The following NR6A1 variants were observed in gnomAD, a reference collection of about 807,000 sequenced individuals.
NR6A1 encodes nuclear receptor subfamily 6 group A member 1, also known as retinoic acid receptor-related testis-associated receptor.
Under a neutral mutation model 59.1 loss-of-function variants are expected in NR6A1, and 7 were observed. The observed-to-expected ratio is 0.12, with a 90% CI of 0.07 to 0.22. The LOEUF (loss-of-function observed/expected upper bound fraction) is 0.22. Among genes scored for constraint, NR6A1 ranks in the 10% least tolerant of loss-of-function variants. The probability of loss-of-function intolerance (pLI) is 1.00; values close to 1 mark genes in which losing one functional copy is unlikely to be tolerated. For synonymous variants in NR6A1, 243 were observed against 236.1 expected, an observed-to-expected ratio of 1.03 and a Z score of -0.27; for missense variants, 468 against 611.6, an observed-to-expected ratio of 0.77 and a Z score of 2.48.
At chr9:124,695,682 TA>T (rs1010505888) in intron 2 of NR6A1, among the ~76,000 whole-genome samples, 2 of 152,112 alleles carry the variant, frequency 1.3e-5, no homozygotes, top group African/African-American at 2.4e-5. Flanking sequence ...AGGGGGTCTT[TA>T]TAGAAGAGTT....
chr9:124,663,173 C>CTT (rs1388574156), intron 2 of NR6A1, among the ~76,000 whole-genome samples: 1 of 152,144 alleles, frequency 6.6e-6, no homozygotes, highest in Non-Finnish European at 1.5e-5. Context: ...TTACTGTGAA[C>CTT]TTGGTTTATG....
At chr9:124,545,472 C>T (rs1833569774) in intron 3 of NR6A1, among the ~76,000 whole-genome samples, 1 of 152,210 alleles carries the variant, frequency 6.6e-6, no homozygotes, top group Non-Finnish European at 1.5e-5. Context: ...AAGAAACATA[C>T]ATAGCCTATG....
At position 124,526,280 on chromosome 9, in the gene NR6A1, A is replaced by ATGTGTG. The variant is rs1308675712; in HGVS notation, c.1201+493_1201+498dup. ...TTAAAAGCCATGCTTGATTGTGTGT[A>ATGTGTG]TGTGTGTATGTGTGTGTGTGTGTGT... On this transcript the variant is annotated intron_variant, in intron 8 of 9. Transcript: ENST00000487099. 2.8e-5 allele frequency among the ~76,000 whole-genome samples: 4 copies of ATGTGTG among 144,826 alleles called. No individual in the cohort carries two copies. The South Asian group carries it at 8.7e-4, about 31-fold the overall frequency.
At chr9:124,693,038 T>C (rs1838612283) in intron 2 of NR6A1, among the ~76,000 whole-genome samples, 1 of 152,170 alleles carries the variant, frequency 6.6e-6, no homozygotes. Context: ...ATTTTTGATA[T>C]CCCAGTTAGA....
chr9:124,529,849 TG>T (rs903937302), intron 7 of NR6A1, among the ~76,000 whole-genome samples: 16 of 151,994 alleles, frequency 1.1e-4, no homozygotes, highest in African/African-American at 3.9e-4. Context: ...TGGATATTTA[TG>T]TTCTTGGGAG....
chr9:124,608,130 A>G (rs948061011), intron 2 of NR6A1, among the ~76,000 whole-genome samples: 2 of 152,192 alleles, frequency 1.3e-5, no homozygotes, highest in African/African-American at 4.8e-5. Context: ...AAATTTAAAA[A>G]AGAAAAAAGC....
chr9:124,648,219 G>C (rs1836994738), intron 2 of NR6A1, among the ~76,000 whole-genome samples: 1 of 152,060 alleles, frequency 6.6e-6, no homozygotes, highest in Admixed American at 6.5e-5. Context: ...GAGACATAGT[G>C]GTTGTAATCC....
At chr9:124,768,886 AG>A (rs1841019886) in intron 1 of NR6A1, among the ~76,000 whole-genome samples, 1 of 152,218 alleles carries the variant, frequency 6.6e-6, no homozygotes, top group Non-Finnish European at 1.5e-5. Flanking sequence ...TTATATGCAC[AG>A]GTGGGTACAG....
chr9:124,726,152 G>A (rs540548697), intron 2 of NR6A1, among the ~76,000 whole-genome samples: 1 of 152,226 alleles, frequency 6.6e-6, no homozygotes, highest in East Asian at 1.9e-4. Context: ...AAACACTCAA[G>A]TTTTTTTAGT....
chr9:124,653,616 A>G (rs1262536080), intron 2 of NR6A1, among the ~76,000 whole-genome samples: 1 of 152,176 alleles, frequency 6.6e-6, no homozygotes, highest in Admixed American at 6.5e-5. Flanking sequence ...CTATGTTGCT[A>G]AGGCTGGTCT....
At chr9:124,658,755 AT>A (rs1003226864) in intron 2 of NR6A1, 122 of 147,272 alleles carry the variant, frequency 8.3e-4, no homozygotes, top group African/African-American at 1.7e-3. Context: ...AGCACTTTCA[AT>A]TTTTTTTTTT....
At chr9:124,582,679 G>A (rs1181537982) in intron 2 of NR6A1, among the ~76,000 whole-genome samples, 1 of 152,122 alleles carries the variant, frequency 6.6e-6, no homozygotes, top group East Asian at 1.9e-4. Flanking sequence ...TTGAGGCCAG[G>A]AATTTGAGAC....
intron 2 of NR6A1, among the ~76,000 whole-genome samples, chr9:124,598,146 G>A (rs972032043): frequency 6.6e-6 from 1 of 152,140 alleles, no homozygotes; most frequent in Non-Finnish European, 1.5e-5. Context: ...ACCACACCCG[G>A]CCTAAACACT....
At chr9:124,607,688 T>G (rs1835612895) in intron 2 of NR6A1, among the ~76,000 whole-genome samples, 1 of 152,168 alleles carries the variant, frequency 6.6e-6, no homozygotes. Flanking sequence ...TTCAACACAA[T>G]GCCTGGCAAA....
chr9:124,526,433 C>T (rs893226757), intron 8 of NR6A1, among the ~76,000 whole-genome samples: 4 of 152,118 alleles, frequency 2.6e-5, no homozygotes, highest in African/African-American at 9.7e-5. Flanking sequence ...CACTGGTAAA[C>T]TTGGTACATA....
intron 2 of NR6A1, among the ~76,000 whole-genome samples, chr9:124,729,947 G>C (rs565198483): frequency 4.8e-4 from 73 of 151,970 alleles, no homozygotes; most frequent in Admixed American, 9.2e-4. Context: ...CGAGTAGCTG[G>C]GATTACAGGC....
chr9:124,609,269 T>G (rs895506008), intron 2 of NR6A1, among the ~76,000 whole-genome samples: 7 of 152,338 alleles, frequency 4.6e-5, no homozygotes, highest in Non-Finnish European at 8.8e-5. Context: ...TTAGTCCATC[T>G]TGAGTTGATT....
chr9:124,599,037 G>T, intron 2 of NR6A1: 2 of 737,086 alleles, frequency 2.7e-6, no homozygotes, highest in East Asian at 2.5e-5. Flanking sequence ...ATGAGGAGGC[G>T]GGTGGTCCCC....
At chr9:124,567,562 G>C (rs541836587) in intron 2 of NR6A1, among the ~76,000 whole-genome samples, 1 of 151,910 alleles carries the variant, frequency 6.6e-6, no homozygotes, top group Non-Finnish European at 1.5e-5. Flanking sequence ...CCCGGGAGTC[G>C]GAGACCAGCC....
Sources: allele counts gnomAD v4.1 joint callset (sites outside exome capture counted in the v4.1 genomes callset), GRCh38; gene constraint gnomAD v4.1.1; transcripts MANE v1.5; gene names NCBI Gene and HGNC (gene_info 2026-07-23, HGNC 2026-07-21).